The following DNHD1 variants were observed in gnomAD, a reference collection of about 807,000 sequenced individuals.
The protein encoded by DNHD1 is dynein heavy chain domain 1.
In DNHD1, 383 loss-of-function variants were observed where a neutral mutation model predicts 458.1. The observed-to-expected ratio is 0.84, with a 90% CI of 0.77 to 0.91. DNHD1 has a LOEUF of 0.91. DNHD1 is among the 40% of genes least tolerant of loss of function. The pLI, the probability that DNHD1 is intolerant of heterozygous loss-of-function variation, is 0.00. For missense variants in DNHD1, 5,336 were observed against 5,866.1 expected, an observed-to-expected ratio of 0.91 and a Z score of 2.95; for synonymous variants, 2,203 against 2,376.9, an observed-to-expected ratio of 0.93 and a Z score of 2.13.
intron 18 of DNHD1, among the ~76,000 whole-genome samples, chr11:6,540,385 G>C (rs192103484): frequency 3.4e-4 from 52 of 152,244 alleles, no homozygotes; most frequent in African/African-American, 1.1e-3. Flanking sequence ...ACCTTTCAAT[G>C]CTCTGTCCTC....
intron 18 of DNHD1, among the ~76,000 whole-genome samples, chr11:6,541,546 A>G (rs1281159634): frequency 6.6e-6 from 1 of 152,198 alleles, no homozygotes; most frequent in Non-Finnish European, 1.5e-5. Flanking sequence ...GAGCATGAAT[A>G]AAAGAGCTTC....
At position 6,533,786 on chromosome 11, in the gene DNHD1, A is replaced by G. The variant is rs1852881880; in HGVS notation, c.2611A>G (p.Asn871Asp). 2 of 1,551,354 alleles carry G rather than the reference A, an allele frequency of 1.3e-6. No homozygotes were observed. Among genetic ancestry groups the G allele is most frequent in the Non-Finnish European group, 1.7e-6 (2 of 1,146,936 alleles). ...CCACTTTAGCCTCTTTAGTGCTGAG[A>G]ATGAAGCACTGGACATCTCGGTGAG... The part of the protein sequence containing the change: ...RNHFSLFSAE[N>D]EALDISVRRQ... The change falls in exon 14 of 43, where the codon AAT (asparagine) becomes GAT (aspartate). Residue 871 changes from asparagine (N) to aspartate (D), a missense_variant. Physicochemically the swap from Asn to Asp is conservative, Grantham distance 23 (BLOSUM62 1). Transcript: ENST00000254579.
chr11:6,550,493 A>C (rs1853316832), intron 24 of DNHD1, among the ~76,000 whole-genome samples: 1 of 152,184 alleles, frequency 6.6e-6, no homozygotes, highest in South Asian at 2.1e-4. Flanking sequence ...AACCACCAGA[A>C]CATCCAGTAT....
intron 18 of DNHD1, among the ~76,000 whole-genome samples, chr11:6,542,607 A>G (rs77330016): frequency 7.8e-4 from 119 of 152,256 alleles, no homozygotes; most frequent in African/African-American, 2.6e-3. Flanking sequence ...GGGCATGTTA[A>G]CCAAGGACCA....
Position 6,563,443 on chromosome 11 carries a change from G to A in DNHD1, c.9731G>A (p.Arg3244Gln), listed in dbSNP as rs146484057. 3.2e-6 allele frequency: 5 copies of A among 1,551,688 alleles called. No homozygotes were observed. The highest frequency in any genetic ancestry group is 2.4e-5 in the East Asian group (1 of 40,922). ...QLQVADFEEI[R>Q]SYRAPPESVV... ...CAGGTGGCTGACTTTGAGGAGATAC[G>A]GAGCTATCGAGCACCACCAGAATCT... The change falls in exon 30 of 43, where the codon CGG becomes CAG. Residue 3244 changes from arginine (R) to glutamine (Q), a missense_variant. Physicochemically the swap from Arg to Gln is conservative, Grantham distance 43 (BLOSUM62 1). This residue lies in a region of DNHD1 where 3,932 missense variants were observed against 4,365.6 expected (regional missense o/e 0.90). Coordinates refer to ENST00000254579, the MANE Select transcript of DNHD1 (RefSeq NM_144666.3).
In DNHD1 at chr11:6,533,832, C is replaced by G. The variant is rs1852883008; in HGVS notation, c.2657C>G (p.Pro886Arg). The G allele has an allele frequency of 3.2e-6, 5 of 1,551,230 alleles. No homozygotes were observed. The Admixed American group carries it at 7.8e-5, about 24-fold the overall frequency. The change falls in exon 14 of 43, where the codon CCC (proline) becomes CGC (arginine). Residue 886 changes from proline (P) to arginine (R), a missense_variant. This residue lies in a region of DNHD1 where 3,932 missense variants were observed against 4,365.6 expected (regional missense o/e 0.90). Transcript: ENST00000254579. ...ISVRRQFGES[P>R]IPPCPPPPQP... Reference sequence around the variant, plus strand: ...GTGAGAAGGCAATTCGGGGAGTCACCCATCCCTCCCTGCCCTCCTCCCCCA... The same window carrying G: ...GTGAGAAGGCAATTCGGGGAGTCACGCATCCCTCCCTGCCCTCCTCCCCCA...
Position 6,570,870 on chromosome 11 carries a change from T to C in DNHD1, c.13358T>C (p.Leu4453Pro). 1.2e-6 allele frequency: 2 copies of C among 1,614,028 alleles called. No homozygotes were observed. Among genetic ancestry groups the C allele is most frequent in the South Asian group, 2.2e-5 (2 of 91,088 alleles). The change falls in exon 42 of 43, where the codon CTG becomes CCG. Residue 4453 changes from leucine to proline, a missense_variant. Leu to Pro is a moderately conservative substitution (Grantham distance 98, BLOSUM62 -3). Coordinates refer to ENST00000254579, the MANE Select transcript of DNHD1 (RefSeq NM_144666.3). ...LVQVNRRLESLQDLLTHVIRQ... is the reference protein window; with the variant it reads ...LVQVNRRLESPQDLLTHVIRQ... ...CAAGTCAACCGGAGGCTGGAGTCAC[T>C]GCAGGATCTGCTGACCCACGTGATT...
chr11:6,549,059 AT>A (rs1234696391), intron 24 of DNHD1, 126 bp downstream of exon 24: 2 of 1,065,144 alleles, frequency 1.9e-6, no homozygotes, highest in Admixed American at 2.8e-5. Flanking sequence ...TGTTCTTAAT[AT>A]CTTCTCATTC....
At chr11:6,506,336 T>C (rs1852227353) in intron 4 of DNHD1, among the ~76,000 whole-genome samples, 1 of 152,192 alleles carries the variant, frequency 6.6e-6, no homozygotes, top group South Asian at 2.1e-4. Context: ...TTGTAGCCAT[T>C]TGGGGTCTCG....
At chr11:6,532,947 T>G in intron 12 of DNHD1, 80 bp from the exon 13 acceptor site, 2 of 1,369,912 alleles carry the variant, frequency 1.5e-6, no homozygotes, top group Non-Finnish European at 2.0e-6. Context: ...TTCAGCCTAC[T>G]CCCACTCTGG....
Position 6,557,219 on chromosome 11 carries a change from A to C in DNHD1, c.7924A>C (p.Asn2642His). ...TCTGACCGTTATGATGGCCACACGC[A>C]ATGTGGTGCGTCTTTGGTTGCATGA... ...TCLTVMMATR[N>H]VVRLWLHEAQ... The change falls in exon 25 of 43, where the codon AAT becomes CAT. Residue 2642 changes from asparagine to histidine, a missense_variant. This residue lies in a region of DNHD1 where 3,932 missense variants were observed against 4,365.6 expected (regional missense o/e 0.90). Coordinates refer to ENST00000254579, the MANE Select transcript of DNHD1 (RefSeq NM_144666.3). 1 of 1,551,610 alleles carries C rather than the reference A, an allele frequency of 6.4e-7. No homozygotes were observed. The highest frequency in any genetic ancestry group is 2.4e-5 in the East Asian group (1 of 40,906).
intron 6 of DNHD1, among the ~76,000 whole-genome samples, chr11:6,510,315 C>G (rs1329492698): frequency 6.6e-6 from 1 of 152,070 alleles, no homozygotes; most frequent in African/African-American, 2.4e-5. Flanking sequence ...GAACTCCTGA[C>G]CTCAGGTGAT....
At position 6,545,312 on chromosome 11, in the gene DNHD1, CA is replaced by C; in HGVS notation, c.4374del (p.Leu1459TrpfsTer19). 1 of 1,551,728 alleles carries C rather than the reference CA, an allele frequency of 6.4e-7. No homozygotes were observed. The highest frequency in any genetic ancestry group is 8.7e-7 in the Non-Finnish European group (1 of 1,147,010). ...TCTCTGGAGAAGTGTCTGCGCTTGG[CA>C]CTGGTGCACATGCTGCAGGGCTGTG... is the stretch of plus-strand genomic sequence containing the variant. ...LASLEKCLRLALVHMLQGCVA... is the reference protein window; with the variant it reads ...LASLEKCLRLXLVHMLQGCVA... On this transcript the variant is annotated frameshift_variant, in exon 21 of 43. Transcript: ENST00000254579. This position sits in a 1 kb window ranked among gnomAD's most constrained non-coding sequence, Gnocchi z 4.9.
intron 28 of DNHD1, among the ~76,000 whole-genome samples, chr11:6,561,672 A>G (rs1183395337): frequency 2.0e-5 from 3 of 152,216 alleles, no homozygotes; most frequent in African/African-American, 7.2e-5. Flanking sequence ...ACATGGTAGG[A>G]GCTCAAAAAC....
At chr11:6,562,060 G>A (rs770482793) in intron 28 of DNHD1, among the ~76,000 whole-genome samples, 1 of 152,194 alleles carries the variant, frequency 6.6e-6, no homozygotes, top group Non-Finnish European at 1.5e-5. Flanking sequence ...TGAGAGACCA[G>A]TTAGGAGGCC....
At chr11:6,537,417 G>A (rs146307415) in intron 14 of DNHD1, among the ~76,000 whole-genome samples, 1 of 152,242 alleles carries the variant, frequency 6.6e-6, no homozygotes, top group Non-Finnish European at 1.5e-5. Context: ...TAGGCTTGAG[G>A]TACATCAGTG....
At chr11:6,511,509 C>G in intron 7 of DNHD1, 80 bp downstream of exon 7, 1 of 1,547,860 alleles carries the variant, frequency 6.5e-7, no homozygotes, top group Non-Finnish European at 8.8e-7. Context: ...AGTTAAGTTT[C>G]TCCTGGAATC....
intron 12 of DNHD1, among the ~76,000 whole-genome samples, chr11:6,531,118 A>AT (rs1489991606): frequency 3.3e-5 from 5 of 152,012 alleles, no homozygotes; most frequent in South Asian, 2.1e-4. Context: ...GGTGCTTAAT[A>AT]TTTTTTTCAT....
At position 6,563,765 on chromosome 11, in the gene DNHD1, C is replaced by G. The variant is rs1853632020; in HGVS notation, c.9925C>G (p.Pro3309Ala). Residue 3309 changes from proline (P) to alanine (A), a missense_variant, in exon 31 of 43, where the codon CCA becomes GCA. Pro to Ala is a conservative substitution (Grantham distance 27, BLOSUM62 -1). This residue lies in a region of DNHD1 where 3,932 missense variants were observed against 4,365.6 expected (regional missense o/e 0.90). Coordinates refer to ENST00000254579, the MANE Select transcript of DNHD1 (RefSeq NM_144666.3). The stretch of plus-strand genomic sequence containing the variant: ...AAAGTTACATCTAATTCTGAAGGCT[C>G]CAGGTATGGACGATGCAGCCCTGCG... The part of the protein sequence containing the change: ...LIKLHLILKA[P>A]GMDDAALRAV... 6.4e-7 allele frequency: 1 copy of G among 1,551,570 alleles called. No individual in the cohort carries two copies. The highest frequency in any genetic ancestry group is 2.4e-5 in the East Asian group (1 of 40,914).
Sources: allele counts gnomAD v4.1 joint callset (sites outside exome capture counted in the v4.1 genomes callset), GRCh38; gene constraint gnomAD v4.1.1; regional missense constraint gnomAD v4.1.1; non-coding constraint Gnocchi (gnomAD v3.1); transcripts MANE v1.5; gene names NCBI Gene and HGNC (gene_info 2026-07-23, HGNC 2026-07-21).